The following RCC2 variants were observed in gnomAD, a reference collection of about 807,000 sequenced individuals.
RCC2 encodes regulator of chromosome condensation 2.
A neutral mutation model predicts 64.1 loss-of-function variants in RCC2; 19 were observed. That is an observed-to-expected ratio of 0.30 (90% confidence interval 0.21 to 0.44). RCC2 has a LOEUF of 0.44. Ranked by LOEUF, RCC2 falls within the 20% of genes least tolerant of loss-of-function variation. RCC2 has a pLI of 1.00. For synonymous variants in RCC2, 325 were observed against 279.6 expected (o/e 1.16, Z -1.62); for missense variants, 508 against 710.4 (o/e 0.72, Z 3.24).
intron 7 of RCC2, among the ~76,000 whole-genome samples, chr1:17,419,670 C>A (rs561801544): frequency 1.3e-5 from 2 of 152,256 alleles, no homozygotes; most frequent in South Asian, 4.1e-4. Context: ...GAAAGTGAGC[C>A]GTTTTTATCA....
intron 8 of RCC2, among the ~76,000 whole-genome samples, chr1:17,414,841 T>C (rs1219106712): frequency 6.6e-6 from 1 of 152,062 alleles, no homozygotes; most frequent in Non-Finnish European, 1.5e-5. Flanking sequence ...ACCATGTTGC[T>C]CAGGCTGGTC....
At chr1:17,413,846 C>T in intron 8 of RCC2, 129 bp from the exon 9 acceptor site, 1 of 866,922 alleles carries the variant, frequency 1.2e-6, no homozygotes, top group South Asian at 1.7e-5. Flanking sequence ...TCAAGATCCC[C>T]TACCAGCCGG....
chr1:17,437,825 T>C (rs2075754669), intron 2 of RCC2, among the ~76,000 whole-genome samples: 1 of 139,916 alleles, frequency 7.1e-6, no homozygotes, highest in Admixed American at 7.0e-5. Context: ...CACGGACGTG[T>C]GGGGCCCGCT....
intron 7 of RCC2, 149 bp from the exon 8 acceptor site, chr1:17,416,795 G>T: frequency 1.4e-6 from 1 of 692,688 alleles, no homozygotes; most frequent in Non-Finnish European, 2.3e-6. Context: ...AACAAAGGCA[G>T]CATTTCCAAT....
At chr1:17,421,449 C>G (rs1184570681) in intron 6 of RCC2, among the ~76,000 whole-genome samples, 1 of 150,272 alleles carries the variant, frequency 6.7e-6, no homozygotes, top group African/African-American at 2.5e-5. Context: ...GAGCTGAGAT[C>G]GCGCCACTGC....
At chr1:17,428,448 C>T (rs976280094) in intron 3 of RCC2, among the ~76,000 whole-genome samples, 1 of 152,218 alleles carries the variant, frequency 6.6e-6, no homozygotes, top group South Asian at 2.1e-4. Context: ...GACGAGCCAG[C>T]GTGCAAATAT....
chr1:17,439,061 C>T (rs939253486), intron 1 of RCC2, among the ~76,000 whole-genome samples: 14 of 151,968 alleles, frequency 9.2e-5, no homozygotes, highest in African/African-American at 3.1e-4. Flanking sequence ...GACCCCCGTT[C>T]GGCCCCAGCT....
intron 11 of RCC2, 140 bp from the exon 12 acceptor site, chr1:17,410,191 C>G (rs1207422859): frequency 2.8e-6 from 2 of 712,256 alleles, no homozygotes; most frequent in Non-Finnish European, 4.8e-6. Flanking sequence ...GCCCGGCCAC[C>G]CTTGCACACA....
At chr1:17,428,846 T>C (rs1483542922) in intron 3 of RCC2, among the ~76,000 whole-genome samples, 1 of 152,236 alleles carries the variant, frequency 6.6e-6, no homozygotes, top group Non-Finnish European at 1.5e-5. Context: ...AAGGTGGCAA[T>C]GTTCATTTGA....
intron 6 of RCC2, among the ~76,000 whole-genome samples, chr1:17,421,598 A>C (rs1313159029): frequency 6.6e-5 from 10 of 152,210 alleles, no homozygotes; most frequent in African/African-American, 2.4e-4. Context: ...GTACAATTAC[A>C]TCCATATAAC....
intron 4 of RCC2, among the ~76,000 whole-genome samples, chr1:17,423,901 CCT>C (rs796601241): frequency 2.6e-5 from 4 of 152,326 alleles, no homozygotes; most frequent in African/African-American, 4.8e-5. Flanking sequence ...GCAGGAGCAG[CCT>C]CTGACTACAG....
chr1:17,421,260 G>T (rs979049672), intron 6 of RCC2, among the ~76,000 whole-genome samples: 1 of 151,898 alleles, frequency 6.6e-6, no homozygotes, highest in African/African-American at 2.4e-5. Flanking sequence ...ACTTTGGGAG[G>T]CCGAGGCAGG....
chr1:17,416,588 TTCACAGTCGTACTCTA>T lies in RCC2; in HGVS notation c.902_917del (p.Ile301AsnfsTer2). On this transcript the variant is annotated frameshift_variant, in exon 8 of 13. Coordinates refer to ENST00000375436, the MANE Select transcript of RCC2 (RefSeq NM_018715.4). LOFTEE classifies it high-confidence loss of function. The stretch of plus-strand genomic sequence containing the variant: ...AGATGGCCACTCGCCGGGGAACTAG[TTCACAGTCGTACTCTA>T]TCCGCTGTGCCCGGGCGATGAACTT... 6.2e-7 allele frequency: 1 copy of T among 1,614,046 alleles called. No individual in the cohort carries two copies. Among genetic ancestry groups the T allele is most frequent in the Non-Finnish European group, 8.5e-7 (1 of 1,180,042 alleles).
rs2075372708 is a variant in RCC2 at position 17,407,354 on chromosome 1, G to A, written c.*1736C>T. The A allele has an allele frequency of 1.3e-5, 2 of 152,262 alleles. No homozygotes were observed. Among genetic ancestry groups the A allele is most frequent in the Non-Finnish European group, 2.9e-5 (2 of 68,068 alleles). The allele number at this position is 152,262 out of a possible 1,614,324, so 9.4% of individuals were successfully genotyped here. ...CATTCCAGGAAAGAGACCTGTCCAG[G>A]GAAACGGATCAGGCTGTCGCATGGA... On this transcript the variant is annotated 3_prime_UTR_variant, in exon 13 of 13. Transcript: ENST00000375436.
At chr1:17,429,078 A>T in intron 3 of RCC2, 28 bp downstream of exon 3, 1 of 1,563,680 alleles carries the variant, frequency 6.4e-7, no homozygotes, top group South Asian at 1.1e-5. Context: ...GAAGCACTCA[A>T]TGGGTTTTTG....
At chr1:17,410,217 C>T (rs1443407804) in intron 11 of RCC2, among the ~76,000 whole-genome samples, 166 bp from the exon 12 acceptor site, 1 of 152,224 alleles carries the variant, frequency 6.6e-6, no homozygotes, top group African/African-American at 2.4e-5. Context: ...CAGGTGGAAT[C>T]ATCCAAGTTT....
At chr1:17,427,802 GCTGGAGGGA>G (rs980434867) in intron 3 of RCC2, among the ~76,000 whole-genome samples, 6 of 152,014 alleles carry the variant, frequency 3.9e-5, no homozygotes, top group African/African-American at 1.4e-4. Flanking sequence ...CCAAGGAAGG[GCTGGAGGGA>G]CTGGAGGGAC....
At position 17,414,601 on chromosome 1, in the gene RCC2, C is replaced by CAGAAG. The variant is rs552925148; in HGVS notation, c.1027-885_1027-884insCTTCT. ...AAAACAGATTCAATTGCAGAAAGAA[C>CAGAAG]AGAAAAGGCCTACCTGTTCCTGGAT... On this transcript the variant is annotated intron_variant, in intron 8 of 12. Transcript: ENST00000375436. 7.5e-4 allele frequency among the ~76,000 whole-genome samples: 112 copies of CAGAAG among 148,620 alleles called. 1 individual carries two copies. The highest frequency in any genetic ancestry group is 2.7e-3 in the African/African-American group (108 of 40,320).
At position 17,422,217 on chromosome 1, in the gene RCC2, G is replaced by C; in HGVS notation, c.730C>G (p.Pro244Ala). The change falls in exon 6 of 13, where the codon CCC (proline) becomes GCC (alanine). Residue 244 changes from proline to alanine, a missense_variant. Around this residue, in one of 4 missense-constraint regions of RCC2, gnomAD observed 132 missense variants for 207.3 expected, o/e 0.64. Transcript: ENST00000375436. ...GGAGGGGTCACCTGCGCGGGGCTGG[G>C]AACAGCGTCTGTCTGGTTGCCAAGG... ...LGLGNQTDAVPSPAQIMYNGQ... is the reference protein window; with the variant it reads ...LGLGNQTDAVASPAQIMYNGQ... 1.9e-6 allele frequency: 3 copies of C among 1,611,926 alleles called. No homozygotes were observed. The highest frequency in any genetic ancestry group is 2.5e-6 in the Non-Finnish European group (3 of 1,179,284).
Sources: gnomAD v4.1 joint callset for allele counts (sites outside exome capture counted in the v4.1 genomes callset) on GRCh38, gnomAD v4.1.1 for gene constraint, gnomAD v4.1.1 regional missense constraint, MANE v1.5 for transcripts, NCBI Gene and HGNC (gene_info 2026-07-23, HGNC 2026-07-21) for gene names.